DLGAP1: variants seen among roughly 807,000 people sequenced by gnomAD.
DLGAP1 encodes the protein disks large-associated protein 1.
Under a neutral mutation model 90.8 loss-of-function variants are expected in DLGAP1, and 11 were observed. The ratio of observed to expected loss-of-function variants is 0.12; its 90% CI spans 0.08 to 0.20. The LOEUF (loss-of-function observed/expected upper bound fraction) is 0.20, where lower values mean the gene tolerates loss of function less well. Among genes scored for constraint, DLGAP1 ranks in the 10% least tolerant of loss-of-function variants. DLGAP1 has a pLI of 1.00. For missense variants in DLGAP1, 1,050 were observed against 1,333.8 expected (o/e 0.79, Z 3.31); for synonymous variants, 558 against 540.7 (o/e 1.03, Z -0.44).
At chr18:3,521,919 C>T (rs2051217757) in intron 10 of DLGAP1, among the ~76,000 whole-genome samples, 2 of 152,164 alleles carry the variant, frequency 1.3e-5, no homozygotes, top group Admixed American at 6.5e-5. Flanking sequence ...TCTAGCACCA[C>T]TTTTTAATTA....
At chr18:4,269,352 ATATTTT>A (rs1481192547) in intron 1 of DLGAP1, among the ~76,000 whole-genome samples, 38 of 131,262 alleles carry the variant, frequency 2.9e-4, no homozygotes, top group African/African-American at 1.2e-3. Flanking sequence ...ATATATATAT[ATATTTT>A]TTTTTTTCTT....
intron 1 of DLGAP1, among the ~76,000 whole-genome samples, chr18:4,167,002 T>G (rs1450458606): frequency 1.3e-5 from 2 of 152,156 alleles, no homozygotes; most frequent in Non-Finnish European, 1.5e-5. Context: ...ATTGTACACT[T>G]AATGATGGTT....
At chr18:4,235,528 A>G (rs1018190905) in intron 1 of DLGAP1, among the ~76,000 whole-genome samples, 1 of 152,102 alleles carries the variant, frequency 6.6e-6, no homozygotes, top group Non-Finnish European at 1.5e-5. Context: ...TTTAATTCCT[A>G]GCACCATTTG....
intron 1 of DLGAP1, among the ~76,000 whole-genome samples, chr18:4,363,081 C>T (rs1462221947): frequency 6.6e-6 from 1 of 152,088 alleles, no homozygotes; most frequent in Non-Finnish European, 1.5e-5. Context: ...ACTTGGCATA[C>T]TGACCTAAGA....
chr18:3,679,075 T>C (rs1271490588), intron 7 of DLGAP1, among the ~76,000 whole-genome samples: 2 of 152,166 alleles, frequency 1.3e-5, no homozygotes, highest in Non-Finnish European at 2.9e-5. Flanking sequence ...CAAGCAATCT[T>C]CCTGCCTTAG....
chr18:4,404,572 A>T (rs1167781856), intron 1 of DLGAP1, among the ~76,000 whole-genome samples: 3 of 152,250 alleles, frequency 2.0e-5, no homozygotes, highest in African/African-American at 7.2e-5. Context: ...TTACTCTTAC[A>T]TACATTACTG....
intron 7 of DLGAP1, among the ~76,000 whole-genome samples, chr18:3,661,571 CTTTTTTTTT>C (rs10549959): frequency 3.8e-4 from 48 of 125,292 alleles, no homozygotes; most frequent in East Asian, 1.4e-3. Context: ...GCTGTAAGGT[CTTTTTTTTT>C]TTTTTTTTTT....
chr18:3,721,396 G>C (rs2061977351), intron 7 of DLGAP1: 1 of 152,112 alleles, frequency 6.6e-6, no homozygotes. Flanking sequence ...CAGGGGATTG[G>C]ATATTTGATC....
chr18:3,965,769 G>GA (rs2073313333), intron 3 of DLGAP1, among the ~76,000 whole-genome samples: 1 of 151,726 alleles, frequency 6.6e-6, no homozygotes, highest in Non-Finnish European at 1.5e-5. Flanking sequence ...CTAACATGGC[G>GA]AAACCCCATC....
At chr18:4,197,966 A>G (rs180965793) in intron 1 of DLGAP1, among the ~76,000 whole-genome samples, 4 of 152,302 alleles carry the variant, frequency 2.6e-5, no homozygotes, top group African/African-American at 9.6e-5. Context: ...TCACGCCTGT[A>G]ATCCCAGCAC....
chr18:4,442,864 TCCA>T (rs2083569052), intron 1 of DLGAP1, among the ~76,000 whole-genome samples: 1 of 152,194 alleles, frequency 6.6e-6, no homozygotes, highest in East Asian at 1.9e-4. Context: ...GCTCCATGGC[TCCA>T]CAAGGGCATG....
intron 2 of DLGAP1, among the ~76,000 whole-genome samples, chr18:4,108,684 C>G (rs1444985874): frequency 6.6e-6 from 1 of 152,026 alleles, no homozygotes; most frequent in Non-Finnish European, 1.5e-5. Context: ...TGTGATATAA[C>G]AGCTAAATAT....
At chr18:4,071,581 G>T (rs1466991764) in intron 2 of DLGAP1, among the ~76,000 whole-genome samples, 1 of 151,358 alleles carries the variant, frequency 6.6e-6, no homozygotes, top group African/African-American at 2.4e-5. Flanking sequence ...AGCCATCACC[G>T]CATTCTAAGG....
At chr18:3,598,467 T>A (rs1229250523) in intron 7 of DLGAP1, 1 of 66,982 alleles carries the variant, frequency 1.5e-5, no homozygotes, top group African/African-American at 4.7e-5. Flanking sequence ...CTCCATTACT[T>A]TTTTTTTTTT....
chr18:4,447,313 A>G (rs904925218), intron 1 of DLGAP1, among the ~76,000 whole-genome samples: 7 of 152,214 alleles, frequency 4.6e-5, no homozygotes, highest in Admixed American at 4.6e-4. Flanking sequence ...ATATATCAGT[A>G]AAAATGAATA....
At chr18:3,948,070 C>T (rs977869232) in intron 3 of DLGAP1, among the ~76,000 whole-genome samples, 3 of 152,294 alleles carry the variant, frequency 2.0e-5, no homozygotes, top group African/African-American at 7.2e-5. Context: ...GCAAAGTACA[C>T]TCCCATACAT....
intron 7 of DLGAP1, among the ~76,000 whole-genome samples, chr18:3,675,233 G>C (rs1356187583): frequency 2.0e-5 from 3 of 152,154 alleles, no homozygotes; most frequent in Non-Finnish European, 2.9e-5. Flanking sequence ...ACCACGCCTG[G>C]CTAAGTTTTG....
At chr18:4,245,819 G>A (rs2078642002) in intron 1 of DLGAP1, among the ~76,000 whole-genome samples, 1 of 146,832 alleles carries the variant, frequency 6.8e-6, no homozygotes. Flanking sequence ...CACCTAATAT[G>A]ATCACACCTA....
chr18:3,827,417 C>A (rs1030018049), intron 4 of DLGAP1, among the ~76,000 whole-genome samples: 31 of 152,152 alleles, frequency 2.0e-4, no homozygotes, highest in African/African-American at 6.0e-4. Flanking sequence ...AAAGGAGTAA[C>A]GTACTGTCAC....
Sources: allele counts gnomAD v4.1 joint callset (sites outside exome capture counted in the v4.1 genomes callset), GRCh38; gene constraint gnomAD v4.1.1; transcripts MANE v1.5; gene names NCBI Gene and HGNC (gene_info 2026-07-23, HGNC 2026-07-21).